Variants in SMTN observed in about 807,000 individuals in gnomAD.
The protein encoded by SMTN is smoothelin.
Under a neutral mutation model 102.0 loss-of-function variants are expected in SMTN, and 58 were observed. The observed-to-expected ratio is 0.57, with a 90% CI of 0.46 to 0.71. SMTN has a LOEUF of 0.71. Among genes scored for constraint, SMTN ranks in the 30% least tolerant of loss-of-function variants. The pLI is 0.00. For missense variants in SMTN, 1,185 were observed against 1,241.7 expected (o/e 0.95, Z 0.69); for synonymous variants, 478 against 497.9 (o/e 0.96, Z 0.53).
intron 19 of SMTN, among the ~76,000 whole-genome samples, chr22:31,100,308 C>T (rs1189066136): frequency 6.6e-6 from 1 of 152,170 alleles, no homozygotes; most frequent in African/African-American, 2.4e-5. Context: ...GCCCGCCCAG[C>T]CTATATAGTG....
In SMTN at chr22:31,083,255, C is replaced by A. The variant is rs772039810; in HGVS notation, c.-4C>A. On this transcript the variant is annotated 5_prime_UTR_variant, in exon 2 of 21. Transcript: ENST00000333137. ...AGGAACCGACGGAGCTAGGGGCCAG[C>A]GAGATGGCGGACGAGGCCTTAGCTG... The A allele has an allele frequency of 3.1e-5, 50 of 1,597,846 alleles. No homozygotes were observed. Among genetic ancestry groups the A allele is most frequent in the Middle Eastern group, 2.0e-4 (1 of 5,044 alleles).
Position 31,090,857 on chromosome 22 carries a change from C to T in SMTN, c.915C>T (p.Pro305=). The change falls in exon 9 of 21, where the codon CCC becomes CCT. Residue 305 remains proline (P), a synonymous_variant. Coordinates refer to ENST00000333137, the MANE Select transcript of SMTN (RefSeq NM_134269.3). ...PCQRSLSVLS[P]RQPAQNREST... ...AACGCTCCCTGTCGGTGCTCAGCCCCCGCCAACCAGCCCAGAACCGAGGTA... is the reference window on the plus strand; with the variant it reads ...AACGCTCCCTGTCGGTGCTCAGCCCTCGCCAACCAGCCCAGAACCGAGGTA... The T allele has an allele frequency of 6.2e-7, 1 of 1,613,986 alleles. No homozygotes were observed. Among genetic ancestry groups the T allele is most frequent in the South Asian group, 1.1e-5 (1 of 91,084 alleles).
chr22:31,099,201 G>A, intron 18 of SMTN, 22 bp downstream of exon 18: 3 of 1,532,704 alleles, frequency 2.0e-6, no homozygotes, highest in Non-Finnish European at 1.8e-6. Context: ...GAGGCCAGGG[G>A]GCCTGGAGGC....
At chr22:31,068,920 C>T (rs1284482422) in intron 1 of SMTN, among the ~76,000 whole-genome samples, 1 of 152,078 alleles carries the variant, frequency 6.6e-6, no homozygotes, top group African/African-American at 2.4e-5. Context: ...AATCTGGAGC[C>T]AGCCAGAGTG....
rs1260734148 is a variant in SMTN at position 31,088,521 on chromosome 22, A to C, written c.209A>C (p.Gln70Pro). The change falls in exon 4 of 21, where the codon CAG (glutamine) becomes CCG (proline). Residue 70 changes from glutamine (Q) to proline (P), a missense_variant. Gln to Pro is a moderately conservative substitution (Grantham distance 76). Coordinates refer to ENST00000333137, the MANE Select transcript of SMTN (RefSeq NM_134269.3). ...TCATGATGTCTCTGCAGCTCTCAGC[A>C]GCGGGAAGCTGAGCAGCGGGCTGCC... is the stretch of plus-strand genomic sequence containing the variant. ...DNKENWLHSQ[Q>P]REAEQRAALA... The C allele has an allele frequency of 6.2e-7, 1 of 1,613,410 alleles. No homozygotes were observed. Among genetic ancestry groups the C allele is most frequent in the Non-Finnish European group, 8.5e-7 (1 of 1,179,704 alleles).
chr22:31,097,279 C>T lies in SMTN; in HGVS notation c.2100C>T (p.Gly700=). The T allele has an allele frequency of 6.2e-7, 1 of 1,614,166 alleles. No individual in the cohort carries two copies. Among genetic ancestry groups the T allele is most frequent in the Non-Finnish European group, 8.5e-7 (1 of 1,180,004 alleles). ...TCCCCTTTTTTGCAGATGGCAGTGGCAGCACCATGATGCAAACCAAGACCT... is the reference window on the plus strand; with the variant it reads ...TCCCCTTTTTTGCAGATGGCAGTGGTAGCACCATGATGCAAACCAAGACCT... ...SFVRRSENGS[G]STMMQTKTFS... The change falls in exon 16 of 21, where the codon GGC becomes GGT. Residue 700 remains glycine (G), a synonymous_variant. Transcript: ENST00000333137.
chr22:31,092,071 G>C (rs1435606632), intron 11 of SMTN, among the ~76,000 whole-genome samples: 2 of 152,212 alleles, frequency 1.3e-5, no homozygotes, highest in Non-Finnish European at 2.9e-5. Context: ...AGCTTACTCT[G>C]TACTGGCGTT....
chr22:31,084,769 G>C (rs374451620), intron 2 of SMTN, among the ~76,000 whole-genome samples: 2 of 152,256 alleles, frequency 1.3e-5, no homozygotes, highest in Non-Finnish European at 2.9e-5. Flanking sequence ...CTCTGGGAAA[G>C]GACAGATGAG....
upstream of SMTN, chr22:31,080,339 C>T (rs2042243994): frequency 6.6e-6 from 1 of 152,232 alleles, no homozygotes; most frequent in Admixed American, 6.5e-5. Flanking sequence ...CTGTTGTCCT[C>T]ATCTGTAAAA....
At chr22:31,075,830 GTTTTGTTTTTGT>G (rs919418882) in intron 1 of SMTN, among the ~76,000 whole-genome samples, 1 of 152,132 alleles carries the variant, frequency 6.6e-6, no homozygotes. Context: ...GTTTTGTTTT[GTTTTGTTTTTGT>G]TTTTGTTTTT....
chr22:31,094,838 T>G (rs2043445303), intron 11 of SMTN, among the ~76,000 whole-genome samples: 1 of 152,108 alleles, frequency 6.6e-6, no homozygotes, highest in Admixed American at 6.5e-5. Context: ...CACACCACCA[T>G]GCCTAGCTAA....
chr22:31,103,693 A>G (rs1459056256), intron 20 of SMTN: 1 of 153,000 alleles, frequency 6.5e-6, no homozygotes. Flanking sequence ...CCTCTGCTCT[A>G]CCCAAGGCAG....
Position 31,089,709 on chromosome 22 carries a change from G to A in SMTN, c.482G>A (p.Arg161Gln), listed in dbSNP as rs199740717. 195 of 1,598,314 alleles carry A rather than the reference G, an allele frequency of 1.2e-4. No homozygotes were observed. Among genetic ancestry groups the A allele is most frequent in the Non-Finnish European group, 1.5e-4 (177 of 1,176,286 alleles). ...HRLEQCEVPE[R>Q]EEQEQQAEVS... is the part of the protein sequence containing the mutation. ...GTGGGTCCCTTACAGGTGCCAGAGC[G>A]AGAGGAACAGGAACAGCAGGCAGAG... The change falls in exon 7 of 21, where the codon CGA (arginine) becomes CAA (glutamine). Residue 161 changes from arginine to glutamine, a missense_variant. Arg to Gln is a conservative substitution (Grantham distance 43). Coordinates refer to ENST00000333137, the MANE Select transcript of SMTN (RefSeq NM_134269.3).
At chr22:31,087,687 G>C (rs2042796964) in intron 2 of SMTN, among the ~76,000 whole-genome samples, 1 of 152,234 alleles carries the variant, frequency 6.6e-6, no homozygotes, top group South Asian at 2.1e-4. Context: ...AGAAAGGAGT[G>C]CCTGGCTTGG....
intron 16 of SMTN, 132 bp from the exon 17 acceptor site, chr22:31,098,535 C>G (rs2043784935): frequency 1.2e-6 from 1 of 830,618 alleles, no homozygotes; most frequent in Non-Finnish European, 1.9e-6. Context: ...GGACGCCTCC[C>G]TCCCTGGCAG....
chr22:31,094,157 C>T (rs890993336), intron 11 of SMTN, among the ~76,000 whole-genome samples: 6 of 152,256 alleles, frequency 3.9e-5, no homozygotes, highest in Non-Finnish European at 5.9e-5. Context: ...CAGCTGCCAC[C>T]TCAGCTCTCC....
At chr22:31,092,109 C>T (rs562025369) in intron 11 of SMTN, among the ~76,000 whole-genome samples, 25 of 152,320 alleles carry the variant, frequency 1.6e-4, no homozygotes, top group African/African-American at 5.5e-4. Flanking sequence ...ATCTCTGATC[C>T]TTAGTTCGAA....
At chr22:31,073,102 C>T (rs2042046229) in intron 1 of SMTN, among the ~76,000 whole-genome samples, 1 of 148,812 alleles carries the variant, frequency 6.7e-6, no homozygotes, top group Admixed American at 6.8e-5. Context: ...GTAGCCTCAA[C>T]CTCCTGAGCT....
rs777749364 is a variant in SMTN at position 31,095,270 on chromosome 22, G to A, written c.1633-33G>A. The A allele has an allele frequency of 2.2e-5, 36 of 1,609,850 alleles. No homozygotes were observed. Among genetic ancestry groups the A allele is most frequent in the Admixed American group, 1.0e-4 (6 of 59,810 alleles). On this transcript the variant is annotated intron_variant, in intron 11 of 20. Coordinates refer to ENST00000333137, the MANE Select transcript of SMTN (RefSeq NM_134269.3). This position sits in a 1 kb window ranked among gnomAD's most constrained non-coding sequence, Gnocchi z 4.1. ...CATGATGAGTTTCACCCATACCCCT[G>A]CTTAAAGTCCATGCCCTCTCCCCAC...
Sources: allele counts gnomAD v4.1 joint callset (sites outside exome capture counted in the v4.1 genomes callset), GRCh38; gene constraint gnomAD v4.1.1; non-coding constraint Gnocchi (gnomAD v3.1); transcripts MANE v1.5; gene names NCBI Gene and HGNC (gene_info 2026-07-23, HGNC 2026-07-21).